The following MUSK variants were observed in gnomAD, a reference collection of about 807,000 sequenced individuals.
MUSK encodes the protein muscle, skeletal receptor tyrosine-protein kinase.
A neutral mutation model predicts 88.7 loss-of-function variants in MUSK; 55 were observed. The observed-to-expected ratio is 0.62, with a 90% CI of 0.50 to 0.78. The LOEUF (loss-of-function observed/expected upper bound fraction) is 0.78, where lower values mean the gene tolerates loss of function less well. Ranked by LOEUF, MUSK falls within the 30% of genes least tolerant of loss-of-function variation. The pLI is 0.00. For missense variants in MUSK, 1,015 were observed against 1,074.3 expected (o/e 0.94, Z 0.77); for synonymous variants, 387 against 391.9 (o/e 0.99, Z 0.15).
In MUSK at chr9:110,800,789, A is replaced by G. The variant is rs533353279; in HGVS notation, c.2411A>G (p.Tyr804Cys). The change falls in exon 15 of 15, where the codon TAT becomes TGT. Residue 804 changes from tyrosine (Y) to cysteine (C), a missense_variant. Tyr to Cys is a radical substitution (Grantham distance 194). Transcript: ENST00000374448. The part of the protein sequence containing the change: ...EIFSYGLQPY[Y>C]GMAHEEVIYY... ...TTCTCCTATGGCCTGCAGCCCTACTATGGGATGGCCCATGAGGAGGTCATT... is the reference window on the plus strand; with the variant it reads ...TTCTCCTATGGCCTGCAGCCCTACTGTGGGATGGCCCATGAGGAGGTCATT... 3.1e-6 allele frequency: 5 copies of G among 1,613,900 alleles called. No homozygotes were observed. The highest frequency in any genetic ancestry group is 1.7e-5 in the Admixed American group (1 of 60,020).
rs1042059952 is a variant in MUSK at position 110,701,651 on chromosome 9, T to C, written c.628+4185T>C. Among the ~76,000 whole-genome samples, 2 of 11,224 alleles carry C rather than the reference T, an allele frequency of 1.8e-4. 1 individual carries two copies. The highest frequency in any genetic ancestry group is 3.2e-4 in the Non-Finnish European group (2 of 6,328). The allele number at this position is 11,224 out of a possible 152,430, so 7.4% of individuals were successfully genotyped here. A position where few individuals can be genotyped will look rare whatever the true frequency, so the allele number is the denominator to read the frequency against. ...ACAGGTGTGCACTACTGTGCTCAGCTATTTATTTTATTTATTTTATTTTAT... is the reference window on the plus strand; with the variant it reads ...ACAGGTGTGCACTACTGTGCTCAGCCATTTATTTTATTTATTTTATTTTAT... On this transcript the variant is annotated intron_variant, in intron 5 of 14. Transcript: ENST00000374448.
intron 5 of MUSK, among the ~76,000 whole-genome samples, chr9:110,706,918 T>G (rs767337293): frequency 1.3e-5 from 2 of 152,030 alleles, no homozygotes; most frequent in South Asian, 4.1e-4. Context: ...GCAGGAGAAC[T>G]GCTTGAGCCT....
At chr9:110,800,143 G>T (rs2078068777) in intron 14 of MUSK, among the ~76,000 whole-genome samples, 163 bp from the exon 15 acceptor site, 1 of 152,148 alleles carries the variant, frequency 6.6e-6, no homozygotes, top group Non-Finnish European at 1.5e-5. Flanking sequence ...GACTCCTTTT[G>T]TGTTGTGATT....
chr9:110,706,696 G>GC (rs1251935996), intron 5 of MUSK, among the ~76,000 whole-genome samples: 1 of 152,038 alleles, frequency 6.6e-6, no homozygotes, highest in Non-Finnish European at 1.5e-5. Context: ...AGTGGCATAT[G>GC]CCCCCTTTAA....
chr9:110,765,292 C>T (rs1357939873), intron 8 of MUSK, among the ~76,000 whole-genome samples: 1 of 152,158 alleles, frequency 6.6e-6, no homozygotes. Context: ...AAGAGTCACA[C>T]ATGCTCTTAT....
chr9:110,778,084 C>T (rs1205994046), intron 11 of MUSK, among the ~76,000 whole-genome samples: 3 of 152,052 alleles, frequency 2.0e-5, no homozygotes, highest in Non-Finnish European at 4.4e-5. Context: ...CAAAGAGTGT[C>T]TTGATTTCTG....
chr9:110,765,601 T>G (rs1255873938), intron 8 of MUSK, among the ~76,000 whole-genome samples: 1 of 151,864 alleles, frequency 6.6e-6, no homozygotes, highest in Non-Finnish European at 1.5e-5. Context: ...TGAGACAGAG[T>G]CTCGCTCTGT....
Position 110,801,041 on chromosome 9 carries a change from C to A in MUSK, c.*53C>A. ...CAGTTTCCTCTCAGACTCTGTGAGC[C>A]AGGGGAATCCTACACCAGAGGCCCA... On this transcript the variant is annotated 3_prime_UTR_variant, in exon 15 of 15. Coordinates refer to ENST00000374448, the MANE Select transcript of MUSK (RefSeq NM_005592.4). The A allele has an allele frequency of 7.0e-7, 1 of 1,420,218 alleles. No individual in the cohort carries two copies. Among genetic ancestry groups the A allele is most frequent in the Non-Finnish European group, 9.3e-7 (1 of 1,078,662 alleles). 88.0% of individuals were successfully genotyped at this position (1,420,218 alleles called of 1,614,324 possible). A position where few individuals can be genotyped will look rare whatever the true frequency, so the allele number is the denominator to read the frequency against.
At chr9:110,762,438 G>A (rs1355335705) in intron 8 of MUSK, among the ~76,000 whole-genome samples, 2 of 152,146 alleles carry the variant, frequency 1.3e-5, no homozygotes, top group Admixed American at 1.3e-4. Context: ...ATGATGAAGT[G>A]AAAGACAGGT....
intron 5 of MUSK, among the ~76,000 whole-genome samples, chr9:110,713,855 C>T (rs890970261): frequency 1.3e-5 from 2 of 152,192 alleles, no homozygotes; most frequent in Non-Finnish European, 2.9e-5. Context: ...TCTTCCAGAG[C>T]TTAGATCAAA....
At chr9:110,787,613 T>A in intron 13 of MUSK, 77 bp from the exon 14 acceptor site, 1 of 1,421,464 alleles carries the variant, frequency 7.0e-7, no homozygotes, top group South Asian at 1.4e-5. Flanking sequence ...GGTGGGAGGA[T>A]ATGTATAAAT....
chr9:110,696,559 T>C (rs2076433206), intron 4 of MUSK, among the ~76,000 whole-genome samples: 1 of 152,230 alleles, frequency 6.6e-6, no homozygotes, highest in Non-Finnish European at 1.5e-5. Flanking sequence ...TGATTAATTA[T>C]CTGGCTTTCC....
chr9:110,687,219 T>C lies in MUSK; in HGVS notation c.309T>C (p.Asn103=). Residue 103 remains asparagine, a synonymous_variant, in exon 3 of 15, where the codon AAT becomes AAC. Transcript: ENST00000374448. ...DDGIYCCTAN[N]GVGGAVESCG... Reference sequence around the variant, plus strand: ...GCATTTACTGCTGCACGGCCAACAATGGTGTGGGAGGAGCTGTGGAGAGTT... The same window carrying C: ...GCATTTACTGCTGCACGGCCAACAACGGTGTGGGAGGAGCTGTGGAGAGTT... 1.9e-6 allele frequency: 3 copies of C among 1,613,836 alleles called. No homozygotes were observed. Among genetic ancestry groups the C allele is most frequent in the Non-Finnish European group, 2.5e-6 (3 of 1,179,822 alleles).
Position 110,716,560 on chromosome 9 carries a change from C to A in MUSK, c.629-17691C>A, listed in dbSNP as rs539811948. ...ATAAATTAATATTGTACCAGAATAC[C>A]AAACTGCATTTGGAATCATAGGCAA... On this transcript the variant is annotated intron_variant, in intron 5 of 14. Coordinates refer to ENST00000374448, the MANE Select transcript of MUSK (RefSeq NM_005592.4). 2.3e-4 allele frequency among the ~76,000 whole-genome samples: 34 copies of A among 149,450 alleles called. 2 individuals are homozygous for A. The highest frequency in any genetic ancestry group is 4.1e-4 in the African/African-American group (16 of 39,402).
intron 9 of MUSK, 139 bp downstream of exon 9, chr9:110,768,222 G>A (rs1338080949): frequency 1.1e-6 from 1 of 884,034 alleles, no homozygotes; most frequent in Admixed American, 2.8e-5. Flanking sequence ...TAATGCCTGG[G>A]TGCAGTGGCT....
chr9:110,675,826 G>C (rs1214083506), intron 1 of MUSK, among the ~76,000 whole-genome samples: 1 of 151,840 alleles, frequency 6.6e-6, no homozygotes, highest in East Asian at 1.9e-4. Flanking sequence ...CTCCCAAAGT[G>C]CTCGGATTAC....
In MUSK at chr9:110,787,791, C is replaced by G. The variant is rs569529834; in HGVS notation, c.1880C>G (p.Ala627Gly). Residue 627 changes from alanine to glycine, a missense_variant, in exon 14 of 15, where the codon GCA becomes GGA. Ala to Gly is a moderately conservative substitution (Grantham distance 60). Transcript: ENST00000374448. ...ATGCAAGCGGACTTTCAGAGGGAGG[C>G]AGCCCTCATGGCAGAATTTGACAAC... ...ADMQADFQRE[A>G]ALMAEFDNPN... 1 of 1,613,614 alleles carries G rather than the reference C, an allele frequency of 6.2e-7. No individual in the cohort carries two copies. The highest frequency in any genetic ancestry group is 1.1e-5 in the South Asian group (1 of 90,946).
At chr9:110,784,670 A>G (rs1407991040) in intron 11 of MUSK, 145 bp from the exon 12 acceptor site, 1 of 601,460 alleles carries the variant, frequency 1.7e-6, no homozygotes, top group Admixed American at 3.2e-5. Context: ...ACTAGACCTT[A>G]CTGAACTTTA....
chr9:110,782,714 C>T (rs2077781312), intron 11 of MUSK, among the ~76,000 whole-genome samples: 1 of 152,158 alleles, frequency 6.6e-6, no homozygotes, highest in Non-Finnish European at 1.5e-5. Flanking sequence ...CTACCACCAC[C>T]ACCCACCCAT....
Sources: gnomAD v4.1 joint callset for allele counts (sites outside exome capture counted in the v4.1 genomes callset) on GRCh38, gnomAD v4.1.1 for gene constraint, MANE v1.5 for transcripts, NCBI Gene and HGNC (gene_info 2026-07-23, HGNC 2026-07-21) for gene names.